PTCHD4: variants seen among roughly 807,000 people sequenced by gnomAD.
PTCHD4 encodes the protein patched domain-containing protein 4.
In PTCHD4, 33 loss-of-function variants were observed where a neutral mutation model predicts 58.1. The ratio of observed to expected loss-of-function variants is 0.57; its 90% CI spans 0.43 to 0.76. The LOEUF (loss-of-function observed/expected upper bound fraction) is 0.76, where lower values mean the gene tolerates loss of function less well. Among genes scored for constraint, PTCHD4 ranks in the 30% least tolerant of loss-of-function variants. The pLI is 0.00. For synonymous variants in PTCHD4, 478 were observed against 409.6 expected (o/e 1.17, Z -2.02); for missense variants, 1,058 against 1,027.1 (o/e 1.03, Z -0.41).
At position 47,959,320 on chromosome 6, in the gene PTCHD4, C is replaced by T. The variant is rs141255208; in HGVS notation, c.898+49314G>A. ...TGTATAGGATTAAGGGCTGATTAGA[C>T]ATTGCAGAAGAAAAGATTAGTAAAC... is the stretch of plus-strand genomic sequence containing the variant. On this transcript the variant is annotated intron_variant, in intron 4 of 4. Coordinates refer to ENST00000339488, the MANE Select transcript of PTCHD4 (RefSeq NM_001384253.1). Among the ~76,000 whole-genome samples, 1,064 of 152,212 alleles carry T rather than the reference C, an allele frequency of 7.0e-3. 14 individuals are homozygous for T. The highest frequency in any genetic ancestry group is 0.023 in the African/African-American group (956 of 41,536).
intron 3 of PTCHD4, among the ~76,000 whole-genome samples, chr6:48,021,812 C>T (rs983270433): frequency 2.0e-5 from 3 of 152,060 alleles, no homozygotes; most frequent in Non-Finnish European, 2.9e-5. Flanking sequence ...GAAACGTCTT[C>T]GGATTACTAA....
At chr6:47,985,851 C>T (rs151063465) in intron 4 of PTCHD4, among the ~76,000 whole-genome samples, 1,562 of 151,088 alleles carry the variant, frequency 0.01, 36 homozygotes, top group African/African-American at 0.036. Flanking sequence ...ATTTTGTTTG[C>T]TCTTTTTGAC....
intron 1 of PTCHD4, among the ~76,000 whole-genome samples, chr6:48,089,777 G>A (rs1376688468): frequency 6.6e-6 from 1 of 152,170 alleles, no homozygotes; most frequent in Admixed American, 6.5e-5. Context: ...TCCCAAAGTT[G>A]TGAATCACAA....
intron 4 of PTCHD4, among the ~76,000 whole-genome samples, chr6:47,963,143 G>A (rs1361972273): frequency 6.6e-6 from 1 of 150,968 alleles, no homozygotes; most frequent in Non-Finnish European, 1.5e-5. Flanking sequence ...AAATAAATAA[G>A]TAAATAAATA....
chr6:48,106,279 A>T (rs981354094), intron 1 of PTCHD4, among the ~76,000 whole-genome samples: 3 of 152,186 alleles, frequency 2.0e-5, no homozygotes, highest in Non-Finnish European at 4.4e-5. Context: ...CATCCCTGGG[A>T]TGCAAGCCTG....
chr6:47,970,744 A>G (rs896675102), intron 4 of PTCHD4, among the ~76,000 whole-genome samples: 1 of 152,164 alleles, frequency 6.6e-6, no homozygotes, highest in Non-Finnish European at 1.5e-5. Flanking sequence ...TAGGCAGGAA[A>G]TTGGATTGAG....
At chr6:47,974,359 A>C (rs1306065581) in intron 4 of PTCHD4, among the ~76,000 whole-genome samples, 1 of 152,208 alleles carries the variant, frequency 6.6e-6, no homozygotes, top group African/African-American at 2.4e-5. Context: ...ATTCATTGTA[A>C]TTAAACATGG....
chr6:48,017,432 G>A (rs916138258), intron 3 of PTCHD4, among the ~76,000 whole-genome samples: 3 of 152,098 alleles, frequency 2.0e-5, no homozygotes, highest in African/African-American at 7.2e-5. Context: ...TAGTTCACAT[G>A]TTTTTCAAAG....
Position 47,925,384 on chromosome 6 carries a change from G to A in PTCHD4, c.899-45448C>T, listed in dbSNP as rs555002973. 1.8e-4 allele frequency among the ~76,000 whole-genome samples: 27 copies of A among 152,114 alleles called. No individual in the cohort carries two copies. The South Asian group carries it at 3.1e-3, about 18-fold the overall frequency. Reference sequence around the variant, plus strand: ...CCTATATCATGTTTATGAATATATGGCATTTGTTATGGTGACTATCTGCAG... The same window carrying A: ...CCTATATCATGTTTATGAATATATGACATTTGTTATGGTGACTATCTGCAG... On this transcript the variant is annotated intron_variant, in intron 4 of 4. Transcript: ENST00000339488.
intron 3 of PTCHD4, among the ~76,000 whole-genome samples, chr6:48,054,812 C>G (rs1329948602): frequency 6.6e-6 from 1 of 151,986 alleles, no homozygotes; most frequent in South Asian, 2.1e-4. Flanking sequence ...AGAATTAGTG[C>G]AGGGATGGTA....
At chr6:47,972,372 G>A (rs1279632448) in intron 4 of PTCHD4, among the ~76,000 whole-genome samples, 2 of 152,100 alleles carry the variant, frequency 1.3e-5, no homozygotes, top group East Asian at 3.9e-4. Flanking sequence ...TCAGGAACTG[G>A]GAAACGGAGC....
rs1763557296 is a variant in PTCHD4 at position 47,866,133 on chromosome 6, G to A, written c.*12170C>T. Among the ~76,000 whole-genome samples, 1 of 151,858 alleles carries A rather than the reference G, an allele frequency of 6.6e-6. No individual in the cohort carries two copies. Among genetic ancestry groups the A allele is most frequent in the African/African-American group, 2.4e-5 (1 of 41,390 alleles). On this transcript the variant is annotated 3_prime_UTR_variant, in exon 5 of 5. Coordinates refer to ENST00000339488, the MANE Select transcript of PTCHD4 (RefSeq NM_001384253.1). ...ATATCTCCTTTTGGACTCTGTACAA[G>A]TTCTGGCTTATATTCTAGTTATAGA... is the stretch of plus-strand genomic sequence containing the variant.
intron 4 of PTCHD4, among the ~76,000 whole-genome samples, chr6:47,926,570 C>T (rs1382244576): frequency 2.0e-5 from 3 of 152,152 alleles, no homozygotes; most frequent in Non-Finnish European, 4.4e-5. Flanking sequence ...AATTTGTGTT[C>T]ACTTGATTCA....
intron 4 of PTCHD4, among the ~76,000 whole-genome samples, chr6:47,894,168 C>G (rs544644510): frequency 6.6e-6 from 1 of 152,194 alleles, no homozygotes; most frequent in Non-Finnish European, 1.5e-5. Context: ...GAACTTATTC[C>G]TGATGAGTAC....
At chr6:47,938,368 T>C (rs975055820) in intron 4 of PTCHD4, among the ~76,000 whole-genome samples, 4 of 152,168 alleles carry the variant, frequency 2.6e-5, no homozygotes, top group African/African-American at 9.7e-5. Context: ...GTTGTTGGTC[T>C]ATAGAACACC....
intron 4 of PTCHD4, among the ~76,000 whole-genome samples, chr6:47,951,433 C>T (rs1303636665): frequency 6.6e-6 from 1 of 152,116 alleles, no homozygotes; most frequent in African/African-American, 2.4e-5. Context: ...TAGTGCTGGG[C>T]ACTATCTAGG....
chr6:47,912,437 A>G lies in PTCHD4; in HGVS notation c.899-32501T>C, dbSNP rs1418776319. ...GTAAAACTGGCCTTGCCAATGCATT[A>G]CAAGACTTTTGGTATCCTTGACCAT... On this transcript the variant is annotated intron_variant, in intron 4 of 4. Transcript: ENST00000339488. Among the ~76,000 whole-genome samples, 3 of 152,142 alleles carry G rather than the reference A, an allele frequency of 2.0e-5. No individual in the cohort carries two copies. The East Asian group carries it at 5.8e-4, about 29-fold the overall frequency.
chr6:47,879,035 G>A lies in PTCHD4; in HGVS notation c.1800C>T (p.Ile600=), dbSNP rs377360060. The A allele has an allele frequency of 3.1e-6, 5 of 1,613,354 alleles. No homozygotes were observed. The highest frequency in any genetic ancestry group is 1.1e-5 in the South Asian group (1 of 91,070). ...IFSKAGDESN[I]IASRLYLVAR... The stretch of plus-strand genomic sequence containing the variant: ...CCACCAGATACAAGCGAGAAGCAAT[G>A]ATATTGCTTTCATCCCCTGCCTTGG... Residue 600 remains isoleucine, a synonymous_variant, in exon 5 of 5, where the codon ATC becomes ATT. Coordinates refer to ENST00000339488, the MANE Select transcript of PTCHD4 (RefSeq NM_001384253.1).
At chr6:48,017,935 C>A (rs1762923019) in intron 3 of PTCHD4, among the ~76,000 whole-genome samples, 1 of 152,126 alleles carries the variant, frequency 6.6e-6, no homozygotes, top group South Asian at 2.1e-4. Context: ...GTGCAAGGGT[C>A]TTAAGCTCCC....
Sources: gnomAD v4.1 joint callset for allele counts (sites outside exome capture counted in the v4.1 genomes callset) on GRCh38, gnomAD v4.1.1 for gene constraint, MANE v1.5 for transcripts, NCBI Gene and HGNC (gene_info 2026-07-23, HGNC 2026-07-21) for gene names.